LARP4: variants seen among roughly 807,000 people sequenced by gnomAD.
The protein encoded by LARP4 is la-related protein 4.
Under a neutral mutation model 92.9 loss-of-function variants are expected in LARP4, and 29 were observed. The ratio of observed to expected loss-of-function variants is 0.31; its 90% CI spans 0.23 to 0.43. The LOEUF (loss-of-function observed/expected upper bound fraction) is 0.43, where lower values mean the gene tolerates loss of function less well. Among genes scored for constraint, LARP4 ranks in the 20% least tolerant of loss-of-function variants. LARP4 has a pLI of 1.00. For missense variants in LARP4, 732 were observed against 860.0 expected, an observed-to-expected ratio of 0.85 and a Z score of 1.86; for synonymous variants, 279 against 284.1, an observed-to-expected ratio of 0.98 and a Z score of 0.18.
chr12:50,407,587 G>A (rs1056225326), intron 1 of LARP4, among the ~76,000 whole-genome samples: 2 of 152,136 alleles, frequency 1.3e-5, no homozygotes, highest in African/African-American at 4.8e-5. Context: ...ACTCATGCCT[G>A]TAATCCCAGA....
chr12:50,411,639 A>C (rs1432580332), intron 1 of LARP4, among the ~76,000 whole-genome samples: 1 of 150,800 alleles, frequency 6.6e-6, no homozygotes, highest in African/African-American at 2.4e-5. Flanking sequence ...TAGGGACCCT[A>C]GTTGTAATCT....
Position 50,478,275 on chromosome 12 carries a change from A to C in LARP4, c.*2411A>C, listed in dbSNP as rs1555177358. 1 of 152,060 alleles carries C rather than the reference A, an allele frequency of 6.6e-6. No individual in the cohort carries two copies. The highest frequency in any genetic ancestry group is 1.5e-5 in the Non-Finnish European group (1 of 67,926). The allele number at this position is 152,060 out of a possible 1,614,324, so 9.4% of individuals were successfully genotyped here. On this transcript the variant is annotated 3_prime_UTR_variant, in exon 16 of 16. Transcript: ENST00000398473. ...TTTTTAATTTAATTTGCCTCATTAC[A>C]TCTAATAGTTCCCATTTGATGGCAT...
intron 1 of LARP4, among the ~76,000 whole-genome samples, chr12:50,401,540 C>T (rs1943850041): frequency 6.6e-6 from 1 of 152,126 alleles, no homozygotes; most frequent in African/African-American, 2.4e-5. Context: ...AAATTCTGCC[C>T]GGGCCCCGTC....
chr12:50,403,469 G>A (rs1415995934), intron 1 of LARP4, among the ~76,000 whole-genome samples: 2 of 152,190 alleles, frequency 1.3e-5, no homozygotes, highest in Admixed American at 6.5e-5. Context: ...TATTGTTAAC[G>A]TATTGCTATA....
intron 13 of LARP4, among the ~76,000 whole-genome samples, chr12:50,470,157 A>G (rs1384574154): frequency 6.6e-6 from 1 of 151,788 alleles, no homozygotes; most frequent in East Asian, 1.9e-4. Flanking sequence ...CCAGGAGATC[A>G]GAGCTATGAT....
Position 50,428,958 on chromosome 12 carries a change from A to G in LARP4, c.190A>G (p.Ile64Val), listed in dbSNP as rs2137092402. ...AGGTAATGCAGAGCTCTCAGAAGAT[A>G]TATGTAAAGAATATGAAGTAATGTA... is the stretch of plus-strand genomic sequence containing the variant. ...PEGNAELSEDICKEYEVMYSS... is the reference protein window; with the variant it reads ...PEGNAELSEDVCKEYEVMYSS... The change falls in exon 3 of 16, where the codon ATA becomes GTA. Residue 64 changes from isoleucine to valine, a missense_variant. By Grantham distance (29) the Ile-to-Val change is conservative (BLOSUM62 3). Transcript: ENST00000398473. 1.3e-6 allele frequency: 2 copies of G among 1,598,390 alleles called. No individual in the cohort carries two copies. Among genetic ancestry groups the G allele is most frequent in the Non-Finnish European group, 8.5e-7 (1 of 1,170,612 alleles).
rs141191416 is a variant in LARP4 at position 50,424,435 on chromosome 12, C to T, written c.19-3327C>T. On this transcript the variant is annotated intron_variant, in intron 1 of 15. Coordinates refer to ENST00000398473, the MANE Select transcript of LARP4 (RefSeq NM_052879.5). ...GTACAGTGGCCCGATCTCGGCTCAC[C>T]GCAACCACTGTCTATGGGGTTCAAG... is the stretch of plus-strand genomic sequence containing the variant. 1.5e-3 allele frequency among the ~76,000 whole-genome samples: 229 copies of T among 151,788 alleles called. 2 individuals are homozygous for T. The highest frequency in any genetic ancestry group is 4.8e-3 in the African/African-American group (198 of 41,416).
intron 1 of LARP4, among the ~76,000 whole-genome samples, chr12:50,404,056 A>G (rs1024060518): frequency 2.0e-5 from 3 of 152,038 alleles, no homozygotes; most frequent in Non-Finnish European, 4.4e-5. Flanking sequence ...GTGAAACCCC[A>G]TCTCTACTAA....
chr12:50,459,100 G>A (rs1200280503), intron 10 of LARP4, among the ~76,000 whole-genome samples: 1 of 152,178 alleles, frequency 6.6e-6, no homozygotes, highest in African/African-American at 2.4e-5. Flanking sequence ...CTGGGTTCAA[G>A]AGATTCTCCT....
At chr12:50,460,698 T>G (rs1188336344) in intron 10 of LARP4, among the ~76,000 whole-genome samples, 3 of 152,042 alleles carry the variant, frequency 2.0e-5, no homozygotes, top group Admixed American at 2.0e-4. Context: ...CCCAGCACTT[T>G]GGGAGGCCAA....
At chr12:50,414,237 G>T (rs943289678) in intron 1 of LARP4, among the ~76,000 whole-genome samples, 1 of 152,098 alleles carries the variant, frequency 6.6e-6, no homozygotes, top group Non-Finnish European at 1.5e-5. Flanking sequence ...AAACAATCTT[G>T]GTAATTTGTA....
At chr12:50,413,341 C>T (rs1043177187) in intron 1 of LARP4, among the ~76,000 whole-genome samples, 1 of 152,058 alleles carries the variant, frequency 6.6e-6, no homozygotes, top group Non-Finnish European at 1.5e-5. Flanking sequence ...AAAGACATCA[C>T]TTTGGAGATT....
chr12:50,453,334 G>T, intron 8 of LARP4, 126 bp from the exon 9 acceptor site: 7 of 532,592 alleles, frequency 1.3e-5, no homozygotes, highest in South Asian at 6.7e-5. Context: ...CTTTTCTTTT[G>T]CTCTACTGAT....
intron 1 of LARP4, chr12:50,401,392 T>G: frequency 4.5e-6 from 1 of 220,828 alleles, no homozygotes; most frequent in Non-Finnish European, 9.0e-6. Context: ...GGTGGGCGCG[T>G]TCCGGGGGCC....
intron 15 of LARP4, 99 bp from the exon 16 acceptor site, chr12:50,475,427 G>A (rs887577528): frequency 1.0e-4 from 104 of 991,290 alleles, no homozygotes; most frequent in Non-Finnish European, 1.2e-4. Context: ...TTTTCTGGAA[G>A]ATAATCTGTG....
At chr12:50,466,928 T>G in intron 12 of LARP4, 31 bp from the exon 13 acceptor site, 1 of 1,590,008 alleles carries the variant, frequency 6.3e-7, no homozygotes. Flanking sequence ...GAGATAGCCA[T>G]GTGACCTGTT....
chr12:50,470,198 T>C (rs1956761011), intron 13 of LARP4, among the ~76,000 whole-genome samples: 2 of 143,858 alleles, frequency 1.4e-5, no homozygotes, highest in African/African-American at 5.2e-5. Flanking sequence ...TACTCCAGCC[T>C]GGGTGACAGA....
chr12:50,418,268 C>T (rs989105272), intron 1 of LARP4, among the ~76,000 whole-genome samples: 5 of 152,024 alleles, frequency 3.3e-5, no homozygotes, highest in Non-Finnish European at 7.4e-5. Flanking sequence ...TCCCAAAGTG[C>T]TGGGATTACA....
intron 8 of LARP4, among the ~76,000 whole-genome samples, chr12:50,446,374 T>TCCCCCCCC (rs1952097592): frequency 4.0e-4 from 1 of 2,514 alleles, no homozygotes; most frequent in Non-Finnish European, 5.7e-4. Context: ...TCTCTCTCTC[T>TCCCCCCCC]CTCTCTCTCT....
Sources: allele counts gnomAD v4.1 joint callset (sites outside exome capture counted in the v4.1 genomes callset), GRCh38; gene constraint gnomAD v4.1.1; transcripts MANE v1.5; gene names NCBI Gene and HGNC (gene_info 2026-07-23, HGNC 2026-07-21).